The following TMEM272 variants were observed in gnomAD, a reference collection of about 807,000 sequenced individuals.
TMEM272 encodes the protein transmembrane protein 272, also known as long intergenic non-protein coding RNA 282.
TMEM272 carries 8 observed loss-of-function variants against 3.7 expected under a neutral mutation model. The observed-to-expected ratio is 2.17, with a 90% CI of 1.27 to 3.91. The LOEUF is 3.91. Ranked by LOEUF, TMEM272 falls within the 30% of genes most tolerant of loss-of-function variation. The pLI, the probability that TMEM272 is intolerant of heterozygous loss-of-function variation, is 0.00. For synonymous variants in TMEM272, 63 were observed against 39.8 expected (o/e 1.58, Z -2.20); for missense variants, 166 against 91.5 (o/e 1.81, Z -3.32).
At chr13:51,908,790 T>C in the TMEM272 span, 1 of 1,440,774 alleles carries the variant, frequency 6.9e-7, no homozygotes, top group Non-Finnish European at 9.8e-7. Context: ...TGAATCAGGA[T>C]ATGATTGTCC....
At chr13:51,916,120 G>T in the TMEM272 span, among the ~76,000 whole-genome samples, 331 of 152,310 alleles carry the variant, frequency 2.2e-3, 2 homozygotes, top group African/African-American at 7.6e-3. Context: ...GAACGTGTAT[G>T]TGCTGGAGGG....
chr13:51,932,520 G>A, the TMEM272 span: 1 of 152,228 alleles, frequency 6.6e-6, no homozygotes, highest in East Asian at 1.9e-4. Context: ...AGATCAAGGG[G>A]GCTCTGCCCA....
chr13:51,818,198 C>T (rs887670276), intron 4 of TMEM272, among the ~76,000 whole-genome samples: 9 of 151,990 alleles, frequency 5.9e-5, no homozygotes, highest in African/African-American at 2.2e-4. Flanking sequence ...CTGGCAGAGG[C>T]GGGGAGAGAT....
chr13:51,844,867 C>T (rs1272841254), intron 1 of TMEM272, 149 bp downstream of exon 1: 2 of 152,262 alleles, frequency 1.3e-5, no homozygotes, highest in Non-Finnish European at 2.9e-5. Flanking sequence ...TCCCTCCACA[C>T]AATTAAGAAA....
At chr13:51,919,709 G>A in the TMEM272 span, among the ~76,000 whole-genome samples, 2 of 152,148 alleles carry the variant, frequency 1.3e-5, no homozygotes, top group Admixed American at 1.3e-4. Context: ...CAGACGTCTC[G>A]GCTGTGTCCC....
the TMEM272 span, among the ~76,000 whole-genome samples, chr13:51,901,616 C>CA: frequency 6.6e-6 from 1 of 152,172 alleles, no homozygotes; most frequent in Non-Finnish European, 1.5e-5. Context: ...GACACATCTT[C>CA]AGTGTCTCTA....
At chr13:51,930,542 G>C in the TMEM272 span, 1 of 152,106 alleles carries the variant, frequency 6.6e-6, no homozygotes, top group Non-Finnish European at 1.5e-5. Context: ...TACCAAATCA[G>C]CTTCCTCACA....
At chr13:51,854,034 A>G in the TMEM272 span, among the ~76,000 whole-genome samples, 1 of 152,222 alleles carries the variant, frequency 6.6e-6, no homozygotes, top group Non-Finnish European at 1.5e-5. Context: ...TGTGTCACTC[A>G]TGAGGCACTG....
chr13:51,910,015 T>A, the TMEM272 span: 189 of 1,521,146 alleles, frequency 1.2e-4, no homozygotes, highest in African/African-American at 2.5e-3. Flanking sequence ...ATCTCCAGTT[T>A]TTCTTCATTC....
chr13:51,909,359 G>A, the TMEM272 span: 17 of 872,156 alleles, frequency 1.9e-5, no homozygotes, highest in Admixed American at 2.1e-4. Context: ...GCTCTTCAGT[G>A]GCATGGCTGA....
chr13:51,882,985 C>T, the TMEM272 span, among the ~76,000 whole-genome samples: 2 of 152,180 alleles, frequency 1.3e-5, no homozygotes, highest in African/African-American at 4.8e-5. Context: ...TGCCCCCAGG[C>T]TCAGCCTGTG....
chr13:51,879,624 C>T, the TMEM272 span, among the ~76,000 whole-genome samples: 2 of 152,188 alleles, frequency 1.3e-5, no homozygotes, highest in African/African-American at 2.4e-5. Flanking sequence ...AAATGAAAAA[C>T]GTGTCCTTTA....
At chr13:51,926,105 G>GGTGT in the TMEM272 span, among the ~76,000 whole-genome samples, 586 of 151,168 alleles carry the variant, frequency 3.9e-3, 6 homozygotes, top group African/African-American at 0.013. Flanking sequence ...TGGTGTGTGT[G>GGTGT]GTGTGTGTGT....
the TMEM272 span, among the ~76,000 whole-genome samples, chr13:51,899,580 T>C: frequency 0.062 from 9,429 of 152,246 alleles, 650 homozygotes; most frequent in African/African-American, 0.17. Flanking sequence ...TTTCCCAAAT[T>C]GATGAACAGA....
At chr13:51,868,699 T>C in the TMEM272 span, among the ~76,000 whole-genome samples, 49,372 of 152,112 alleles carry the variant, frequency 0.32, 8,186 homozygotes, top group East Asian at 0.43. Context: ...CAAATATCTA[T>C]GGAGTGGCTC....
chr13:51,884,428 G>C, the TMEM272 span, among the ~76,000 whole-genome samples: 1 of 152,136 alleles, frequency 6.6e-6, no homozygotes, highest in Non-Finnish European at 1.5e-5. Context: ...ATATTTCATA[G>C]GGTTAGTTTG....
chr13:51,923,416 G>A, the TMEM272 span, among the ~76,000 whole-genome samples: 1 of 152,126 alleles, frequency 6.6e-6, no homozygotes, highest in African/African-American at 2.4e-5. Flanking sequence ...TGGAATGGGT[G>A]GCTTGTTAAG....
At chr13:51,925,483 T>C in the TMEM272 span, among the ~76,000 whole-genome samples, 10 of 152,112 alleles carry the variant, frequency 6.6e-5, no homozygotes, top group Admixed American at 6.5e-4. Flanking sequence ...GATGGTTTGT[T>C]TATAAATAGC....
At chr13:51,867,730 C>T in the TMEM272 span, among the ~76,000 whole-genome samples, 1 of 152,138 alleles carries the variant, frequency 6.6e-6, no homozygotes, top group Non-Finnish European at 1.5e-5. Context: ...TCTCCTTGGT[C>T]ACACACCCAT....
Sources: gnomAD v4.1 joint callset for allele counts (sites outside exome capture counted in the v4.1 genomes callset) on GRCh38, gnomAD v4.1.1 for gene constraint, MANE v1.5 for transcripts, NCBI Gene and HGNC (gene_info 2026-07-23, HGNC 2026-07-21) for gene names.